Variants in SCN1A observed in about 807,000 individuals in gnomAD.
SCN1A encodes sodium voltage-gated channel alpha subunit 1, also known as sodium channel protein type 1 subunit alpha.
In SCN1A, 13 loss-of-function variants were observed where a neutral mutation model predicts 193.7. The ratio of observed to expected loss-of-function variants is 0.07; its 90% confidence interval spans 0.04 to 0.11. SCN1A has a LOEUF of 0.11. Among genes scored for constraint, SCN1A ranks in the 10% least tolerant of loss-of-function variants. SCN1A has a pLI of 1.00. For synonymous variants in SCN1A, 781 were observed against 843.6 expected (o/e 0.93, Z 1.29); for missense variants, 1,432 against 2,451.1 (o/e 0.58, Z 8.78).
chr2:166,039,372 C>G, intron 17 of SCN1A, 51 bp downstream of exon 17: 1 of 1,580,796 alleles, frequency 6.3e-7, no homozygotes, highest in Non-Finnish European at 8.6e-7. Flanking sequence ...TGCAAGAACC[C>G]TGATTGTTAG....
chr2:166,063,401 G>A (rs1010327365), intron 4 of SCN1A, among the ~76,000 whole-genome samples: 1 of 152,052 alleles, frequency 6.6e-6, no homozygotes, highest in African/African-American at 2.4e-5. Flanking sequence ...ACAATAAGTT[G>A]GTAATTATGT....
chr2:166,010,482 G>T (rs894976548), intron 22 of SCN1A, among the ~76,000 whole-genome samples: 3 of 151,076 alleles, frequency 2.0e-5, no homozygotes, highest in Non-Finnish European at 3.0e-5. Context: ...GCCCCAAAGG[G>T]CCAATCAATG....
chr2:166,034,328 C>G (rs1348424634), intron 19 of SCN1A, among the ~76,000 whole-genome samples: 2 of 152,142 alleles, frequency 1.3e-5, no homozygotes, highest in African/African-American at 4.8e-5. Flanking sequence ...TTCAGAGACT[C>G]ATTATAAATA....
chr2:166,011,532 C>T (rs900832520), intron 22 of SCN1A, among the ~76,000 whole-genome samples: 2 of 151,200 alleles, frequency 1.3e-5, no homozygotes, highest in African/African-American at 4.8e-5. Flanking sequence ...TCTTTCCCTA[C>T]ACTCTACATA....
chr2:166,032,136 G>A (rs1338925759), intron 19 of SCN1A, among the ~76,000 whole-genome samples: 3 of 44,206 alleles, frequency 6.8e-5, no homozygotes, highest in Non-Finnish European at 1.4e-4. Flanking sequence ...GGCCATGAAA[G>A]GTAACATTTT....
At chr2:166,093,875 C>A (rs895737615) in intron 2 of SCN1A, among the ~76,000 whole-genome samples, 2 of 152,074 alleles carry the variant, frequency 1.3e-5, no homozygotes, top group Admixed American at 6.6e-5. Flanking sequence ...GATTTAAATC[C>A]GGGTCTAATC....
chr2:165,997,686 TG>T (rs1690265202), intron 26 of SCN1A, among the ~76,000 whole-genome samples: 1 of 150,814 alleles, frequency 6.6e-6, no homozygotes, highest in South Asian at 2.1e-4. Flanking sequence ...CAAGGGGGAG[TG>T]GGTAGTTGTA....
intron 21 of SCN1A, among the ~76,000 whole-genome samples, chr2:166,013,203 C>T (rs987480931): frequency 1.8e-4 from 27 of 151,330 alleles, no homozygotes; most frequent in African/African-American, 6.3e-4. Flanking sequence ...AAGATAAACC[C>T]ATCCTTAAAT....
intron 4 of SCN1A, among the ~76,000 whole-genome samples, chr2:166,062,007 G>C (rs1400690073): frequency 6.6e-6 from 1 of 152,146 alleles, no homozygotes; most frequent in Non-Finnish European, 1.5e-5. Flanking sequence ...CTTGCAAGTT[G>C]AATTTATAAA....
At chr2:166,109,960 C>T (rs1338519200) in intron 2 of SCN1A, among the ~76,000 whole-genome samples, 1 of 151,954 alleles carries the variant, frequency 6.6e-6, no homozygotes, top group East Asian at 1.9e-4. Context: ...GATCTAGTAA[C>T]ACAACAGTTA....
chr2:166,125,823 G>A (rs1180175689), intron 2 of SCN1A, among the ~76,000 whole-genome samples: 1 of 151,902 alleles, frequency 6.6e-6, no homozygotes, highest in African/African-American at 2.4e-5. Context: ...CTCCTGCCAT[G>A]TCTTAAAGAG....
In SCN1A at chr2:165,988,393, A is replaced by T. The variant is rs993616963; in HGVS notation, c.*2852T>A. On this transcript the variant is annotated 3_prime_UTR_variant, in exon 29 of 29. Coordinates refer to ENST00000674923, the MANE Select transcript of SCN1A (RefSeq NM_001165963.4). The stretch of plus-strand genomic sequence containing the variant: ...AGAATTTCATGAAGGGGACATTTAC[A>T]AAAGTGTCAGCAATGTTAGGAGAAA... The T allele has an allele frequency of 6.6e-6, 1 of 152,220 alleles. No homozygotes were observed. The highest frequency in any genetic ancestry group is 1.5e-5 in the Non-Finnish European group (1 of 68,072). The allele number at this position is 152,220 out of a possible 1,614,324, so 9.4% of individuals were successfully genotyped here.
chr2:166,090,221 A>G (rs1574449069), intron 2 of SCN1A, among the ~76,000 whole-genome samples: 1 of 151,602 alleles, frequency 6.6e-6, no homozygotes, highest in East Asian at 1.9e-4. Context: ...TCGTACAGGC[A>G]GTATCTCTCT....
chr2:166,008,345 T>C (rs1559137897), intron 23 of SCN1A, among the ~76,000 whole-genome samples: 1 of 151,214 alleles, frequency 6.6e-6, no homozygotes, highest in Non-Finnish European at 1.5e-5. Flanking sequence ...TGTTTAGCAT[T>C]GTTCAGATTT....
At chr2:166,029,192 C>T (rs1695212404) in intron 19 of SCN1A, among the ~76,000 whole-genome samples, 1 of 152,042 alleles carries the variant, frequency 6.6e-6, no homozygotes, top group Non-Finnish European at 1.5e-5. Context: ...GTAGTATAGA[C>T]TCCATACTGT....
chr2:166,029,014 G>A (rs1170954860), intron 19 of SCN1A, among the ~76,000 whole-genome samples: 2 of 152,114 alleles, frequency 1.3e-5, no homozygotes, highest in African/African-American at 2.4e-5. Context: ...GAGTAAGAGA[G>A]TATTCCTGTC....
At chr2:166,077,090 G>A (rs533525236) in intron 3 of SCN1A, 6 of 151,842 alleles carry the variant, frequency 4.0e-5, no homozygotes, top group Non-Finnish European at 8.8e-5. Context: ...TTTTCTAGGA[G>A]TGATGGTGAG....
Position 165,991,517 on chromosome 2 carries a change from C to T in SCN1A, c.5758G>A (p.Val1920Ile). 1 of 1,613,946 alleles carries T rather than the reference C, an allele frequency of 6.2e-7. No individual in the cohort carries two copies. Among genetic ancestry groups the T allele is most frequent in the Non-Finnish European group, 8.5e-7 (1 of 1,179,918 alleles). ...LKRKQEEVSA[V>I]IIQRAYRRHL... ...CGTCTGTAAGCACGCTGAATAATGA[C>T]AGCAGATACTTCCTCTTGTTTTCGT... The change falls in exon 29 of 29, where the codon GTC (valine) becomes ATC (isoleucine). Residue 1920 changes from valine to isoleucine, a missense_variant. Val to Ile is a conservative substitution (Grantham distance 29). Transcript: ENST00000674923.
At chr2:166,110,213 T>C (rs1429750511) in intron 2 of SCN1A, among the ~76,000 whole-genome samples, 2 of 152,108 alleles carry the variant, frequency 1.3e-5, no homozygotes, top group Admixed American at 1.3e-4. Context: ...CCTTTAAGTG[T>C]TCAAGTCAAA....
Sources: gnomAD v4.1 joint callset for allele counts (sites outside exome capture counted in the v4.1 genomes callset) on GRCh38, gnomAD v4.1.1 for gene constraint, MANE v1.5 for transcripts, NCBI Gene and HGNC (gene_info 2026-07-23, HGNC 2026-07-21) for gene names.